The following SEPSECS variants were observed in gnomAD, a reference collection of about 807,000 sequenced individuals.
SEPSECS encodes the protein O-phosphoseryl-tRNA(Sec) selenium transferase.
Under a neutral mutation model 52.1 loss-of-function variants are expected in SEPSECS, and 42 were observed. That is an observed-to-expected ratio of 0.81 (90% CI 0.63 to 1.04). The LOEUF (loss-of-function observed/expected upper bound fraction) is 1.04, where lower values mean the gene tolerates loss of function less well. SEPSECS is among the 50% of genes least tolerant of loss of function. SEPSECS has a pLI of 0.00. For missense variants in SEPSECS, 590 were observed against 610.6 expected, an observed-to-expected ratio of 0.97 and a Z score of 0.36; for synonymous variants, 216 against 211.4, an observed-to-expected ratio of 1.02 and a Z score of -0.19.
At chr4:25,143,826 G>A (rs1641734407) in intron 8 of SEPSECS, among the ~76,000 whole-genome samples, 1 of 152,144 alleles carries the variant, frequency 6.6e-6, no homozygotes, top group Admixed American at 6.5e-5. Context: ...TACAATTGTT[G>A]TTAAGTGCTA....
At chr4:25,152,395 A>G (rs1712357353) in intron 5 of SEPSECS, among the ~76,000 whole-genome samples, 1 of 152,054 alleles carries the variant, frequency 6.6e-6, no homozygotes, top group South Asian at 2.1e-4. Flanking sequence ...ACCCCTCACA[A>G]GATGGTATGC....
At chr4:25,159,750 C>T in intron 1 of SEPSECS, 1 of 1,003,232 alleles carries the variant, frequency 1.0e-6, no homozygotes, top group Non-Finnish European at 1.2e-6. Flanking sequence ...CCAGCCTGGG[C>T]GAAAGAGCGA....
intron 1 of SEPSECS, 96 bp downstream of exon 1, chr4:25,160,160 C>T: frequency 3.9e-6 from 6 of 1,529,138 alleles, no homozygotes; most frequent in Non-Finnish European, 5.3e-6. Context: ...TCTCAAGCAG[C>T]GAAGAGCTGC....
At chr4:25,133,479 G>A (rs930244733) in intron 8 of SEPSECS, among the ~76,000 whole-genome samples, 1 of 152,148 alleles carries the variant, frequency 6.6e-6, no homozygotes, top group Non-Finnish European at 1.5e-5. Context: ...ATTTCCAAAG[G>A]AGATGGATTT....
In SEPSECS at chr4:25,146,334, G is replaced by C. The variant is rs191949736; in HGVS notation, c.805-1201C>G. Among the ~76,000 whole-genome samples the C allele has an allele frequency of 4.0e-4, 61 of 152,314 alleles. No individual in the cohort carries two copies. The East Asian group carries it at 9.3e-3, about 23-fold the overall frequency. ...GCAGCCGAAGCAGGGAAGAGGAGCA[G>C]CTGCTCTGGAGGCCATTATACAACT... On this transcript the variant is annotated intron_variant, in intron 6 of 10. Transcript: ENST00000382103.
chr4:25,148,767 C>T (rs1163413764), intron 6 of SEPSECS, among the ~76,000 whole-genome samples: 1 of 152,092 alleles, frequency 6.6e-6, no homozygotes, highest in African/African-American at 2.4e-5. Flanking sequence ...AATGGATAGC[C>T]TAAGTACTCT....
At chr4:25,132,408 C>G (rs926769983) in intron 8 of SEPSECS, among the ~76,000 whole-genome samples, 2 of 152,078 alleles carry the variant, frequency 1.3e-5, no homozygotes, top group Admixed American at 1.3e-4. Context: ...CAGAGCTGAA[C>G]CAATAAACTA....
Position 25,159,028 on chromosome 4 carries a change from T to C in SEPSECS, c.194A>G (p.Asn65Ser), listed in dbSNP as rs747000475. 7 of 1,613,682 alleles carry C rather than the reference T, an allele frequency of 4.3e-6. No homozygotes were observed. In the East Asian group the frequency reaches 1.6e-4, roughly 36 times the overall value. Residue 65 changes from asparagine to serine, a missense_variant, in exon 2 of 11, where the codon AAT becomes AGT. Coordinates refer to ENST00000382103, the MANE Select transcript of SEPSECS (RefSeq NM_016955.4). Reference sequence around the variant, plus strand: ...TCCCACACCACAATTGCCTAAGAAATTGTTGCTGTCCATGATTGCAAGTTC... The same window carrying C: ...TCCCACACCACAATTGCCTAAGAAACTGTTGCTGTCCATGATTGCAAGTTC... ...LHELAIMDSN[N>S]FLGNCGVGER...
At position 25,126,719 on chromosome 4, in the gene SEPSECS, G is replaced by A. The variant is rs114491253; in HGVS notation, c.1120+545C>T. Reference sequence around the variant, plus strand: ...ATAAATACAAATTTCTCTAACATCCGTAGGCTAAAGAAAACAAGCAATAAT... The same window carrying A: ...ATAAATACAAATTTCTCTAACATCCATAGGCTAAAGAAAACAAGCAATAAT... On this transcript the variant is annotated intron_variant, in intron 9 of 10. Transcript: ENST00000382103. Among the ~76,000 whole-genome samples the A allele has an allele frequency of 1.9e-3, 282 of 152,082 alleles. 2 individuals carry two copies. Among genetic ancestry groups the A allele is most frequent in the African/African-American group, 6.4e-3 (266 of 41,474 alleles).
chr4:25,152,135 T>C (rs940342981), intron 5 of SEPSECS, 73 bp from the exon 6 acceptor site: 1 of 917,912 alleles, frequency 1.1e-6, no homozygotes, highest in Non-Finnish European at 1.8e-6. Context: ...GAAAGTTTTT[T>C]AAAAATTTAA....
chr4:25,121,168 T>C lies in SEPSECS; in HGVS notation c.*2763A>G, dbSNP rs1269631642. 2 of 152,140 alleles carry C rather than the reference T, an allele frequency of 1.3e-5. No individual in the cohort carries two copies. Among genetic ancestry groups the C allele is most frequent in the South Asian group, 2.1e-4 (1 of 4,838 alleles). 9.4% of individuals were successfully genotyped at this position (152,140 alleles called of 1,614,324 possible). ...GATTTACAGTTGAACACCAGGTTCC[T>C]AAGGCTGGCGTCACATATCATTCCC... On this transcript the variant is annotated 3_prime_UTR_variant, in exon 11 of 11. Transcript: ENST00000382103.
In SEPSECS at chr4:25,124,144, A is replaced by G. The variant is rs1728256532; in HGVS notation, c.1293T>C (p.Cys431=). The change falls in exon 11 of 11, where the codon TGT becomes TGC. Residue 431 remains cysteine (C), a synonymous_variant. Transcript: ENST00000382103. ...TGGCTGATGCAGCATTGAGGTAAGCACAAGGGTAATTATTTGTATGTGACA... is the reference window on the plus strand; with the variant it reads ...TGGCTGATGCAGCATTGAGGTAAGCGCAAGGGTAATTATTTGTATGTGACA... ...GFMSHTNNYP[C]AYLNAASAIG... is the part of the protein sequence containing the mutation. 5.6e-6 allele frequency: 9 copies of G among 1,613,706 alleles called. No individual in the cohort carries two copies. The East Asian group carries it at 1.6e-4, about 28-fold the overall frequency.
chr4:25,143,833 G>A (rs1341928906), intron 8 of SEPSECS, among the ~76,000 whole-genome samples: 3 of 152,104 alleles, frequency 2.0e-5, no homozygotes, highest in Non-Finnish European at 2.9e-5. Flanking sequence ...GTTGTTAAGT[G>A]CTAGAAAGTT....
Position 25,156,114 on chromosome 4 carries a change from T to A in SEPSECS, c.470A>T (p.His157Leu), listed in dbSNP as rs982868741. ...SLTLCFLTLR[H>L]KRPKAKYIIW... ...AATATACTTTGCCTTTGGTCTTTTG[T>A]GTCGTAATGTTAAGAAACACAGAGT... is the stretch of plus-strand genomic sequence containing the variant. Residue 157 changes from histidine (H) to leucine (L), a missense_variant, in exon 4 of 11, where the codon CAC (histidine) becomes CTC (leucine). Transcript: ENST00000382103. 1 of 1,614,002 alleles carries A rather than the reference T, an allele frequency of 6.2e-7. No individual in the cohort carries two copies. Among genetic ancestry groups the A allele is most frequent in the Non-Finnish European group, 8.5e-7 (1 of 1,179,906 alleles).
chr4:25,143,971 G>A (rs1026775911), intron 8 of SEPSECS, among the ~76,000 whole-genome samples: 1 of 152,090 alleles, frequency 6.6e-6, no homozygotes, highest in Non-Finnish European at 1.5e-5. Context: ...TTGTGTTGGA[G>A]ATAAAGTCAT....
chr4:25,156,217 G>A (rs762840314), intron 3 of SEPSECS, 22 bp from the exon 4 acceptor site: 2 of 1,611,128 alleles, frequency 1.2e-6, no homozygotes, highest in Non-Finnish European at 1.7e-6. Flanking sequence ...AAGCAAAACA[G>A]AAATCTGTTA....
Position 25,125,786 on chromosome 4 carries a change from T to G in SEPSECS, c.1121-2A>C. 6.2e-7 allele frequency: 1 copy of G among 1,605,508 alleles called. No individual in the cohort carries two copies. The highest frequency in any genetic ancestry group is 8.5e-7 in the Non-Finnish European group (1 of 1,173,260). ...CATCTAGTGTTTTAAGTGTCATAGC[T>G]GAAAAAGAAAAAAGTATCCTAATAA... On this transcript the variant is annotated splice_acceptor_variant, in intron 9 of 10. Transcript: ENST00000382103. LOFTEE classifies it high-confidence loss of function.
chr4:25,138,337 T>C (rs528418266), intron 8 of SEPSECS, among the ~76,000 whole-genome samples: 201 of 152,160 alleles, frequency 1.3e-3, no homozygotes, highest in African/African-American at 4.6e-3. Flanking sequence ...TTATTTAGTT[T>C]AAAAATAAAC....
At chr4:25,147,100 CAG>C (rs532939618) in intron 6 of SEPSECS, among the ~76,000 whole-genome samples, 7 of 152,350 alleles carry the variant, frequency 4.6e-5, no homozygotes, top group Admixed American at 4.6e-4. Context: ...GCTCCTGCCT[CAG>C]AGTCTTGGCT....
Sources: gnomAD v4.1 joint callset for allele counts (sites outside exome capture counted in the v4.1 genomes callset) on GRCh38, gnomAD v4.1.1 for gene constraint, MANE v1.5 for transcripts, NCBI Gene and HGNC (gene_info 2026-07-23, HGNC 2026-07-21) for gene names.